SEMA3A: variants seen among roughly 807,000 people sequenced by gnomAD.
SEMA3A encodes the protein semaphorin-3A.
SEMA3A carries 29 observed loss-of-function variants against 97.9 expected under a neutral mutation model. The observed-to-expected ratio is 0.30, with a 90% CI of 0.22 to 0.40. The LOEUF (loss-of-function observed/expected upper bound fraction) is 0.40. Among genes scored for constraint, SEMA3A ranks in the 10% least tolerant of loss-of-function variants. The probability of loss-of-function intolerance (pLI) is 1.00; values close to 1 mark genes in which losing one functional copy is unlikely to be tolerated. For missense variants in SEMA3A, 763 were observed against 951.3 expected, an observed-to-expected ratio of 0.80 and a Z score of 2.60; for synonymous variants, 321 against 323.7, an observed-to-expected ratio of 0.99 and a Z score of 0.09.
intron 3 of SEMA3A, among the ~76,000 whole-genome samples, chr7:84,116,134 A>C (rs183068999): frequency 6.6e-6 from 1 of 152,128 alleles, no homozygotes; most frequent in East Asian, 1.9e-4. Context: ...CATCTTGCCT[A>C]ATATCAAAAA....
intron 2 of SEMA3A, among the ~76,000 whole-genome samples, chr7:84,370,777 G>A (rs1802953917): frequency 6.6e-6 from 1 of 151,488 alleles, no homozygotes; most frequent in Non-Finnish European, 1.5e-5. Flanking sequence ...TTTCTTTAGG[G>A]ACAAAAATAA....
intron 1 of SEMA3A, among the ~76,000 whole-genome samples, chr7:84,403,044 T>G (rs949452855): frequency 2.0e-5 from 3 of 151,056 alleles, no homozygotes; most frequent in Non-Finnish European, 3.0e-5. Flanking sequence ...TGCCGGAGAG[T>G]GGGTGCAGGA....
intron 3 of SEMA3A, among the ~76,000 whole-genome samples, chr7:84,255,184 T>C (rs570964732): frequency 2.6e-5 from 4 of 152,126 alleles, no homozygotes; most frequent in African/African-American, 7.2e-5. Context: ...AAAAACACCA[T>C]AGCAAACAGA....
chr7:84,275,975 G>C (rs1325717171), intron 3 of SEMA3A, among the ~76,000 whole-genome samples: 1 of 151,900 alleles, frequency 6.6e-6, no homozygotes, highest in Non-Finnish European at 1.5e-5. Flanking sequence ...ATCGGACGTT[G>C]CTGCTTAAAA....
intron 4 of SEMA3A, among the ~76,000 whole-genome samples, chr7:84,109,165 G>A (rs764116): frequency 0.48 from 73,353 of 151,848 alleles, 19,018 homozygotes; most frequent in East Asian, 0.69. Context: ...TAAATCAGGT[G>A]CTAAAACAAA....
intron 4 of SEMA3A, among the ~76,000 whole-genome samples, chr7:84,063,775 G>C (rs1793356752): frequency 6.7e-6 from 1 of 149,580 alleles, no homozygotes; most frequent in African/African-American, 2.5e-5. Flanking sequence ...TATGTGAAAA[G>C]ACCAAATCTA....
In SEMA3A at chr7:84,293,437, C is replaced by T. The variant is rs141215469; in HGVS notation, c.-83+13770G>A. 4.9e-3 allele frequency among the ~76,000 whole-genome samples: 745 copies of T among 151,952 alleles called. 8 individuals carry two copies. The highest frequency in any genetic ancestry group is 0.017 in the African/African-American group (713 of 41,488). ...TATTTGGCATGTAGACTAGGGCAAGCCATTTGTAAAGCAAGACAATATTAT... is the reference window on the plus strand; with the variant it reads ...TATTTGGCATGTAGACTAGGGCAAGTCATTTGTAAAGCAAGACAATATTAT... On this transcript the variant is annotated intron_variant, in intron 3 of 3. Coordinates refer to the SEMA3A transcript ENST00000424555.
chr7:84,462,312 G>C lies in SEMA3A; in HGVS notation c.-246+30148C>G, dbSNP rs560149839. ...AATTACTGCAATATTTTATAGTATA[G>C]CATATAATCTAGGGGGCTGAAATTA... On this transcript the variant is annotated intron_variant, in intron 1 of 3. Coordinates refer to the SEMA3A transcript ENST00000424555. 4.6e-5 allele frequency among the ~76,000 whole-genome samples: 7 copies of C among 152,090 alleles called. No individual in the cohort carries two copies. In the South Asian group the frequency reaches 1.5e-3, roughly 32 times the overall value.
intron 1 of SEMA3A, among the ~76,000 whole-genome samples, chr7:84,143,997 T>A (rs1027251306): frequency 4.4e-5 from 5 of 112,816 alleles, no homozygotes; most frequent in Admixed American, 4.4e-4. Context: ...ACACACACAA[T>A]TTATTGTGTA....
chr7:84,445,516 A>AAAAAAAAAAAAAAAAAAAAAAG (rs1805391070), intron 1 of SEMA3A, among the ~76,000 whole-genome samples: 4 of 123,740 alleles, frequency 3.2e-5, no homozygotes, highest in African/African-American at 1.1e-4. Context: ...AAAAAAAAAA[A>AAAAAAAAAAAAAAAAAAAAAAG]AAAAGAAAAG....
intron 3 of SEMA3A, among the ~76,000 whole-genome samples, chr7:84,280,553 G>A (rs1057054935): frequency 3.9e-5 from 6 of 152,000 alleles, no homozygotes; most frequent in African/African-American, 1.5e-4. Context: ...GGAGGTAGAG[G>A]TGGGCATGTC....
At chr7:84,010,489 T>G (rs567207483) in intron 9 of SEMA3A, among the ~76,000 whole-genome samples, 2 of 152,294 alleles carry the variant, frequency 1.3e-5, no homozygotes, top group South Asian at 4.1e-4. Context: ...CATTTCCAGA[T>G]GTATTTTGTC....
chr7:84,383,179 C>A (rs1222460430), intron 1 of SEMA3A, among the ~76,000 whole-genome samples: 1 of 151,892 alleles, frequency 6.6e-6, no homozygotes, highest in African/African-American at 2.4e-5. Context: ...CTGGAGAAAA[C>A]CAAGTTACTT....
At chr7:84,025,504 C>G (rs1192048630) in intron 6 of SEMA3A, among the ~76,000 whole-genome samples, 1 of 152,172 alleles carries the variant, frequency 6.6e-6, no homozygotes, top group East Asian at 1.9e-4. Context: ...ACATTCTTAG[C>G]TAACAGCCTA....
chr7:84,439,799 A>G (rs947986109), intron 1 of SEMA3A, among the ~76,000 whole-genome samples: 1 of 152,242 alleles, frequency 6.6e-6, no homozygotes, highest in African/African-American at 2.4e-5. Flanking sequence ...TCTAAGAATA[A>G]TAAAATAGAA....
intron 2 of SEMA3A, among the ~76,000 whole-genome samples, chr7:84,312,913 T>TACAC (rs1174689479): frequency 2.2e-4 from 11 of 49,722 alleles, no homozygotes; most frequent in Non-Finnish European, 3.6e-4. Flanking sequence ...TATATATATA[T>TACAC]ATATATATAC....
At chr7:84,075,437 G>T (rs1254370595) in intron 4 of SEMA3A, among the ~76,000 whole-genome samples, 1 of 149,290 alleles carries the variant, frequency 6.7e-6, no homozygotes, top group Non-Finnish European at 1.5e-5. Flanking sequence ...GGGATTACAG[G>T]CATAAGCCAC....
chr7:84,169,209 CTTT>C (rs538198268), intron 1 of SEMA3A, among the ~76,000 whole-genome samples: 268 of 151,074 alleles, frequency 1.8e-3, no homozygotes, highest in African/African-American at 6.3e-3. Flanking sequence ...AAAAGAGCTT[CTTT>C]ATTATTTATG....
chr7:84,254,945 T>C (rs1799685055), intron 3 of SEMA3A, among the ~76,000 whole-genome samples: 1 of 152,162 alleles, frequency 6.6e-6, no homozygotes, highest in Non-Finnish European at 1.5e-5. Flanking sequence ...GAAATAAAAT[T>C]TGGCATGTAC....
Sources: gnomAD v4.1 joint callset for allele counts (sites outside exome capture counted in the v4.1 genomes callset) on GRCh38, gnomAD v4.1.1 for gene constraint, MANE v1.5 for transcripts, NCBI Gene and HGNC (gene_info 2026-07-23, HGNC 2026-07-21) for gene names.